The following REPS2 variants were observed in gnomAD, a reference collection of about 807,000 sequenced individuals.
The protein encoded by REPS2 is ralBP1-associated Eps domain-containing protein 2.
Under a neutral mutation model 53.6 loss-of-function variants are expected in REPS2, and 23 were observed. That is an observed-to-expected ratio of 0.43 (90% CI 0.31 to 0.61). REPS2 has a LOEUF of 0.61. REPS2 is among the 20% of genes least tolerant of loss of function. REPS2 has a pLI of 0.11. For missense variants in REPS2, 446 were observed against 534.9 expected, an observed-to-expected ratio of 0.83 and a Z score of 1.64; for synonymous variants, 238 against 218.6, an observed-to-expected ratio of 1.09 and a Z score of -0.78.
chrX:17,090,936 T>C (rs183316875), intron 13 of REPS2, among the ~76,000 whole-genome samples: 58 of 112,267 alleles, frequency 5.2e-4, no homozygotes, highest in African/African-American at 1.8e-3. Flanking sequence ...AGTTAATCTC[T>C]TCGTATATGA....
At chrX:17,027,387 A>G (rs2061658127) in intron 4 of REPS2, among the ~76,000 whole-genome samples, 1 of 112,201 alleles carries the variant, frequency 8.9e-6, no homozygotes, top group Admixed American at 9.4e-5. Context: ...TCAGTAGTTC[A>G]TTCCTTTTTA....
chrX:17,060,595 G>T (rs1052549648), intron 8 of REPS2, among the ~76,000 whole-genome samples: 58 of 110,494 alleles, frequency 5.2e-4, no homozygotes, highest in African/African-American at 1.9e-3. Context: ...GAGATGTGAA[G>T]GCTGAGCTAA....
chrX:17,155,702 A>G (rs1222360416), downstream of REPS2, among the ~76,000 whole-genome samples: 2 of 112,432 alleles, frequency 1.8e-5, no homozygotes, highest in Admixed American at 9.4e-5. Flanking sequence ...GGAAGATTGT[A>G]AACTAATGTT....
chrX:17,077,282 G>T lies in REPS2; in HGVS notation c.1391G>T (p.Ser464Ile), dbSNP rs192919194. Residue 464 changes from serine to isoleucine, a missense_variant, in exon 13 of 18, where the codon AGC becomes ATC. By Grantham distance (142) the Ser-to-Ile change is moderately radical. Transcript: ENST00000357277. ...TTATTTTGCTACAGATCTTACTCTAGCACCTCCATAGAAGAGGCCATGAAA... is the reference window on the plus strand; with the variant it reads ...TTATTTTGCTACAGATCTTACTCTATCACCTCCATAGAAGAGGCCATGAAA... ...KARPRSRSYSSTSIEEAMKRG... is the reference protein window; with the variant it reads ...KARPRSRSYSITSIEEAMKRG... 1 of 1,190,708 alleles carries T rather than the reference G, an allele frequency of 8.4e-7. No homozygotes were observed. The highest frequency in any genetic ancestry group is 3.0e-5 in the East Asian group (1 of 33,039).
the REPS2 span, among the ~76,000 whole-genome samples, chrX:17,163,598 G>A: frequency 2.7e-5 from 3 of 111,983 alleles, no homozygotes; most frequent in Middle Eastern, 4.6e-3. Flanking sequence ...AGCTCATCAC[G>A]TACAAGGGAT....
At chrX:17,126,615 G>C (rs747759052) in intron 14 of REPS2, among the ~76,000 whole-genome samples, 1 of 111,981 alleles carries the variant, frequency 8.9e-6, no homozygotes, top group Admixed American at 9.4e-5. Flanking sequence ...CTCCAAGAGG[G>C]AGATAGACCA....
chrX:17,100,417 C>T (rs373785593), intron 13 of REPS2, among the ~76,000 whole-genome samples: 23 of 112,542 alleles, frequency 2.0e-4, no homozygotes, highest in Non-Finnish European at 3.9e-4. Context: ...AGGGCAGTGG[C>T]GCTCAGAAAA....
intron 4 of REPS2, among the ~76,000 whole-genome samples, chrX:17,026,944 C>T (rs928923641): frequency 1.8e-5 from 2 of 110,774 alleles, no homozygotes; most frequent in African/African-American, 6.6e-5. Context: ...TGTGCCACCA[C>T]ACCGGGCTAA....
the REPS2 span, among the ~76,000 whole-genome samples, chrX:17,178,888 CAAA>C: frequency 3.1e-5 from 2 of 65,369 alleles, no homozygotes. Context: ...GACTCGGTCT[CAAA>C]AAAAAAAAAA....
chrX:17,046,838 G>T (rs1288032499), intron 5 of REPS2, among the ~76,000 whole-genome samples: 1 of 112,156 alleles, frequency 8.9e-6, no homozygotes, highest in Non-Finnish European at 1.9e-5. Context: ...GTCCTGACTT[G>T]CCACTCAAGT....
chrX:16,957,039 G>T (rs1054935755), intron 1 of REPS2, among the ~76,000 whole-genome samples: 2 of 112,327 alleles, frequency 1.8e-5, no homozygotes, highest in African/African-American at 6.5e-5. Context: ...GTCTCCTGGA[G>T]GTAGGTAATT....
chrX:16,955,058 C>G (rs936503959), intron 1 of REPS2, among the ~76,000 whole-genome samples: 3 of 110,368 alleles, frequency 2.7e-5, no homozygotes, highest in African/African-American at 6.6e-5. Context: ...GGTGATCTGC[C>G]CACCCTGGCC....
intron 7 of REPS2, among the ~76,000 whole-genome samples, chrX:17,054,150 A>C (rs1404268558): frequency 8.9e-6 from 1 of 111,896 alleles, no homozygotes; most frequent in East Asian, 2.8e-4. Context: ...AGCCTGTTTG[A>C]GACTCCCCCT....
chrX:17,059,254 C>T (rs1412447296), intron 8 of REPS2, among the ~76,000 whole-genome samples: 2 of 106,969 alleles, frequency 1.9e-5, no homozygotes, highest in Non-Finnish European at 3.8e-5. Context: ...TCATGATCCA[C>T]CCGCCTCGGC....
rs1229543657 is a variant in REPS2 at position 16,992,260 on chromosome X, G to A, written c.274-13961G>A. On this transcript the variant is annotated intron_variant, in intron 1 of 17. Coordinates refer to ENST00000357277, the MANE Select transcript of REPS2 (RefSeq NM_004726.3). ...CAGTATGTGAGGATACAGCAAGAAA[G>A]TGCCATCTATGAGGCAGAGAGTGAG... Among the ~76,000 whole-genome samples the A allele has an allele frequency of 2.7e-5, 3 of 111,057 alleles. No homozygotes were observed. In the Admixed American group the frequency reaches 2.9e-4, roughly 11 times the overall value.
chrX:16,970,576 A>G (rs1461084600), intron 1 of REPS2, among the ~76,000 whole-genome samples: 1 of 112,362 alleles, frequency 8.9e-6, no homozygotes, highest in Non-Finnish European at 1.9e-5. Context: ...AAAGTGTACA[A>G]TTCAGTGGTT....
chrX:17,103,852 A>G, intron 14 of REPS2, 73 bp downstream of exon 14: 1 of 963,665 alleles, frequency 1.0e-6, no homozygotes, highest in South Asian at 2.0e-5. Context: ...CTTCTTTGCA[A>G]GGGTTGATCG....
At chrX:17,109,042 G>C (rs2062923812) in intron 14 of REPS2, among the ~76,000 whole-genome samples, 1 of 109,659 alleles carries the variant, frequency 9.1e-6, no homozygotes, top group African/African-American at 3.3e-5. Flanking sequence ...GGAGCTGCCT[G>C]AGATTTGGAA....
intron 1 of REPS2, among the ~76,000 whole-genome samples, chrX:16,955,519 T>C (rs1386076393): frequency 8.9e-6 from 1 of 111,874 alleles, no homozygotes; most frequent in African/African-American, 3.2e-5. Flanking sequence ...GTCTGGAGCT[T>C]GGAGTCCTCT....
Sources: allele counts gnomAD v4.1 joint callset (sites outside exome capture counted in the v4.1 genomes callset), GRCh38; gene constraint gnomAD v4.1.1; transcripts MANE v1.5; gene names NCBI Gene and HGNC (gene_info 2026-07-23, HGNC 2026-07-21).